SCFD2: variants seen among roughly 807,000 people sequenced by gnomAD.
SCFD2 encodes the protein sec1 family domain containing 2.
Under a neutral mutation model 58.9 loss-of-function variants are expected in SCFD2, and 54 were observed. The observed-to-expected ratio is 0.92, with a 90% CI of 0.74 to 1.15. SCFD2 has a LOEUF of 1.15. Among genes scored for constraint, SCFD2 ranks in the 50% most tolerant of loss-of-function variants. The pLI is 0.00. For missense variants in SCFD2, 805 were observed against 836.6 expected, an observed-to-expected ratio of 0.96 and a Z score of 0.47; for synonymous variants, 321 against 335.9, an observed-to-expected ratio of 0.96 and a Z score of 0.49.
intron 4 of SCFD2, among the ~76,000 whole-genome samples, chr4:53,246,111 T>C (rs1390327352): frequency 3.3e-5 from 5 of 151,916 alleles, no homozygotes; most frequent in African/African-American, 7.3e-5. Context: ...ACAAAAAGTA[T>C]AAAACACCTA....
chr4:53,139,671 G>A (rs1166971608), intron 5 of SCFD2, among the ~76,000 whole-genome samples: 1 of 151,870 alleles, frequency 6.6e-6, no homozygotes, highest in African/African-American at 2.4e-5. Context: ...GAAGTGAGGA[G>A]CCCCTCTGCC....
intron 3 of SCFD2, among the ~76,000 whole-genome samples, chr4:53,298,912 G>C (rs368651055): frequency 3.9e-5 from 6 of 152,104 alleles, no homozygotes; most frequent in African/African-American, 9.7e-5. Context: ...AACTAACAAA[G>C]AGAAAGGACA....
chr4:53,183,505 G>T (rs1199065764), intron 4 of SCFD2, among the ~76,000 whole-genome samples: 1 of 152,110 alleles, frequency 6.6e-6, no homozygotes, highest in Non-Finnish European at 1.5e-5. Flanking sequence ...GACTGTTGTG[G>T]GGTGGGGGAG....
At chr4:53,284,635 G>A (rs1404925428) in intron 3 of SCFD2, among the ~76,000 whole-genome samples, 1 of 152,082 alleles carries the variant, frequency 6.6e-6, no homozygotes. Context: ...AAATAGAAGA[G>A]AAATAATAAC....
At chr4:53,357,879 A>G (rs929401497) in intron 1 of SCFD2, among the ~76,000 whole-genome samples, 1 of 152,186 alleles carries the variant, frequency 6.6e-6, no homozygotes, top group Non-Finnish European at 1.5e-5. Context: ...CCACACCCAC[A>G]TATGAGAGTA....
chr4:53,241,441 G>C (rs574916461), intron 4 of SCFD2, among the ~76,000 whole-genome samples: 2 of 152,300 alleles, frequency 1.3e-5, no homozygotes, highest in African/African-American at 4.8e-5. Context: ...GCCTCTCCCA[G>C]CCTGGCTGTG....
At chr4:53,343,782 T>G (rs1300895142) in intron 2 of SCFD2, among the ~76,000 whole-genome samples, 1 of 152,236 alleles carries the variant, frequency 6.6e-6, no homozygotes, top group Non-Finnish European at 1.5e-5. Flanking sequence ...ATCTCTGGGA[T>G]GCAAGGCTGG....
chr4:53,264,532 ACTT>A (rs1289229171), intron 4 of SCFD2, among the ~76,000 whole-genome samples: 2 of 152,162 alleles, frequency 1.3e-5, no homozygotes, highest in Non-Finnish European at 2.9e-5. Flanking sequence ...TGTGGTGGAA[ACTT>A]CTTCTCAGAA....
intron 5 of SCFD2, among the ~76,000 whole-genome samples, chr4:52,971,692 G>C (rs1721105177): frequency 6.6e-6 from 1 of 152,152 alleles, no homozygotes; most frequent in Non-Finnish European, 1.5e-5. Context: ...CTTGAGAAGA[G>C]CAACTCCAAG....
rs189858843 is a variant in SCFD2, at chr4:53,220,513, G to A, written c.1311+53313C>T. ...AACTAAGTAATTTCTGTGTGTCTAT[G>A]TGTCATTTAACAATTTATCATAAAT... On this transcript the variant is annotated intron_variant, in intron 4 of 8. Transcript: ENST00000401642. 2.7e-3 allele frequency among the ~76,000 whole-genome samples: 413 copies of A among 152,234 alleles called. 1 individual carries two copies. The highest frequency in any genetic ancestry group is 9.5e-3 in the African/African-American group (395 of 41,546).
intron 3 of SCFD2, among the ~76,000 whole-genome samples, chr4:53,300,097 A>G (rs1230027580): frequency 6.6e-6 from 1 of 152,198 alleles, no homozygotes. Flanking sequence ...CACACATAAC[A>G]ATACTAACCT....
At chr4:53,327,624 T>C (rs73816160) in intron 2 of SCFD2, among the ~76,000 whole-genome samples, 15,013 of 152,018 alleles carry the variant, frequency 0.099, 1,119 homozygotes, top group South Asian at 0.21. Flanking sequence ...AGCATCCACA[T>C]AGAGGAGGAG....
At chr4:53,204,353 A>C (rs1728342267) in intron 4 of SCFD2, among the ~76,000 whole-genome samples, 1 of 152,088 alleles carries the variant, frequency 6.6e-6, no homozygotes, top group African/African-American at 2.4e-5. Context: ...TGAAAAACTA[A>C]GAGAAAATAT....
intron 5 of SCFD2, among the ~76,000 whole-genome samples, chr4:52,930,609 A>T (rs976457700): frequency 6.6e-6 from 1 of 152,214 alleles, no homozygotes; most frequent in Non-Finnish European, 1.5e-5. Flanking sequence ...AAGCTGCCTA[A>T]GCGAAAAATC....
intron 5 of SCFD2, among the ~76,000 whole-genome samples, chr4:52,941,318 A>G (rs991128704): frequency 2.0e-5 from 3 of 152,338 alleles, no homozygotes; most frequent in Non-Finnish European, 4.4e-5. Flanking sequence ...TATGTAAGTA[A>G]ATGTTAGAAC....
intron 8 of SCFD2, among the ~76,000 whole-genome samples, chr4:52,875,721 A>G (rs904217249): frequency 6.7e-6 from 1 of 148,824 alleles, no homozygotes; most frequent in African/African-American, 2.5e-5. Context: ...TTTTTCAACA[A>G]CCTTATGAGA....
chr4:52,925,338 C>CCATATATATATATATA (rs1279023235), intron 5 of SCFD2, among the ~76,000 whole-genome samples: 1 of 137,870 alleles, frequency 7.3e-6, no homozygotes, highest in African/African-American at 3.0e-5. Context: ...TCTGCTAAAG[C>CCATATATATATATATA]CATATATATA....
chr4:52,899,811 T>C (rs1439972687), intron 7 of SCFD2, among the ~76,000 whole-genome samples: 1 of 152,258 alleles, frequency 6.6e-6, no homozygotes, highest in Non-Finnish European at 1.5e-5. Context: ...TTTGGTCTTT[T>C]CATATAGTCC....
intron 3 of SCFD2, among the ~76,000 whole-genome samples, chr4:53,293,972 C>T (rs547256623): frequency 1.9e-4 from 29 of 149,726 alleles, no homozygotes; most frequent in African/African-American, 7.1e-4. Flanking sequence ...TGACTGAGAA[C>T]ATGCAATGTT....
Sources: gnomAD v4.1 joint callset for allele counts (sites outside exome capture counted in the v4.1 genomes callset) on GRCh38, gnomAD v4.1.1 for gene constraint, MANE v1.5 for transcripts, NCBI Gene and HGNC (gene_info 2026-07-23, HGNC 2026-07-21) for gene names.